NTN1: variants seen among roughly 807,000 people sequenced by gnomAD.
NTN1 encodes the protein netrin 1.
NTN1 carries 11 observed loss-of-function variants against 54.2 expected under a neutral mutation model. The observed-to-expected ratio is 0.20, with a 90% CI of 0.13 to 0.34. NTN1 has a LOEUF of 0.34. NTN1 is among the 10% of genes least tolerant of loss of function. The pLI, the probability that NTN1 is intolerant of heterozygous loss-of-function variation, is 1.00. For missense variants in NTN1, 740 were observed against 893.1 expected (o/e 0.83, Z 2.18); for synonymous variants, 371 against 382.0 (o/e 0.97, Z 0.33).
In NTN1 at chr17:9,162,909, G is replaced by A. The variant is rs1331242639; in HGVS notation, c.1115G>A (p.Arg372His). ...RKSGGVCLNC[R>H]HNTAGRHCHY... is the part of the protein sequence containing the mutation. ...AGCGGAGGTGTCTGCCTCAACTGTC[G>A]CCACAACACCGCCGGCCGCCACTGC... The change falls in exon 3 of 7, where the codon CGC (arginine) becomes CAC (histidine). Residue 372 changes from arginine to histidine, a missense_variant. Physicochemically the swap from Arg to His is conservative, Grantham distance 29 (BLOSUM62 0). Coordinates refer to ENST00000173229, the MANE Select transcript of NTN1 (RefSeq NM_004822.3). The A allele has an allele frequency of 9.9e-6, 16 of 1,613,068 alleles. No homozygotes were observed. Among genetic ancestry groups the A allele is most frequent in the Non-Finnish European group, 1.3e-5 (15 of 1,179,694 alleles).
chr17:9,132,881 G>C (rs1405610118), intron 2 of NTN1, among the ~76,000 whole-genome samples: 1 of 151,996 alleles, frequency 6.6e-6, no homozygotes, highest in African/African-American at 2.4e-5. Flanking sequence ...TTTCAAAAAA[G>C]AAAAAGAATG....
At chr17:9,149,050 C>G (rs1339125108) in intron 2 of NTN1, among the ~76,000 whole-genome samples, 3 of 152,040 alleles carry the variant, frequency 2.0e-5, no homozygotes, top group African/African-American at 7.2e-5. Flanking sequence ...ACCAGCCTCT[C>G]CCACTGCCCT....
At chr17:9,209,709 G>C (rs571899902) in intron 5 of NTN1, among the ~76,000 whole-genome samples, 1 of 152,348 alleles carries the variant, frequency 6.6e-6, no homozygotes, top group South Asian at 2.1e-4. Context: ...ACCCCAGCTT[G>C]GTGCAGGAAG....
At chr17:9,172,218 CG>C (rs2092388866) in intron 3 of NTN1, among the ~76,000 whole-genome samples, 1 of 151,278 alleles carries the variant, frequency 6.6e-6, no homozygotes, top group African/African-American at 2.4e-5. Flanking sequence ...CCTTTCTAGG[CG>C]GGGTGCGGTG....
intron 2 of NTN1, among the ~76,000 whole-genome samples, chr17:9,107,016 C>T (rs921748293): frequency 3.3e-5 from 5 of 152,162 alleles, no homozygotes; most frequent in Admixed American, 6.6e-5. Flanking sequence ...ATAATGTACT[C>T]GTGGTCCCTC....
At chr17:9,186,078 C>T (rs1032297683) in intron 5 of NTN1, among the ~76,000 whole-genome samples, 3 of 152,146 alleles carry the variant, frequency 2.0e-5, no homozygotes, top group African/African-American at 7.2e-5. Flanking sequence ...CCACTTCTCC[C>T]ACATCCCAGG....
intron 2 of NTN1, among the ~76,000 whole-genome samples, chr17:9,049,846 G>T (rs957135618): frequency 6.6e-6 from 1 of 152,174 alleles, no homozygotes; most frequent in African/African-American, 2.4e-5. Flanking sequence ...TTGTAGGATG[G>T]GTATGTAAGA....
chr17:9,137,397 TG>T (rs1420934336), intron 2 of NTN1, among the ~76,000 whole-genome samples: 1 of 152,104 alleles, frequency 6.6e-6, no homozygotes, highest in Non-Finnish European at 1.5e-5. Flanking sequence ...AGAACTGGCA[TG>T]GGGTGGACAC....
At chr17:9,075,686 C>A (rs1597478797) in intron 2 of NTN1, among the ~76,000 whole-genome samples, 1 of 152,264 alleles carries the variant, frequency 6.6e-6, no homozygotes, top group East Asian at 1.9e-4. Context: ...AGCTTTGAGA[C>A]CCTCAGGGAC....
Position 9,023,027 on chromosome 17 carries a change from C to T in NTN1, c.654C>T (p.Ile218=). 1 of 1,599,408 alleles carries T rather than the reference C, an allele frequency of 6.3e-7. No homozygotes were observed. The highest frequency in any genetic ancestry group is 8.5e-7 in the Non-Finnish European group (1 of 1,174,404). ...TDMRPLSGGL[I]AFSTLDGRPS... ...TGCGCCCGCTCTCGGGCGGCCTCATCGCCTTCAGCACGCTGGACGGGCGGC... is the reference window on the plus strand; with the variant it reads ...TGCGCCCGCTCTCGGGCGGCCTCATTGCCTTCAGCACGCTGGACGGGCGGC... Residue 218 remains isoleucine, a synonymous_variant, in exon 2 of 7, where the codon ATC becomes ATT. Transcript: ENST00000173229.
chr17:9,166,634 G>C (rs1365215560), intron 3 of NTN1, among the ~76,000 whole-genome samples: 1 of 152,204 alleles, frequency 6.6e-6, no homozygotes, highest in East Asian at 1.9e-4. Flanking sequence ...GAGCCACCGT[G>C]CTTGGCCAGT....
At chr17:9,224,853 C>T (rs1232073226) in intron 6 of NTN1, among the ~76,000 whole-genome samples, 1 of 152,156 alleles carries the variant, frequency 6.6e-6, no homozygotes, top group African/African-American at 2.4e-5. Flanking sequence ...GGCTGGGGCT[C>T]TGGCACCACT....
At chr17:9,202,563 G>T (rs7215049) in intron 5 of NTN1, among the ~76,000 whole-genome samples, 1 of 152,150 alleles carries the variant, frequency 6.6e-6, no homozygotes, top group Non-Finnish European at 1.5e-5. Flanking sequence ...CCGGTGGGGG[G>T]ACTTCAGTAT....
chr17:9,137,803 A>AAT (rs112956010), intron 2 of NTN1, among the ~76,000 whole-genome samples: 29 of 152,256 alleles, frequency 1.9e-4, no homozygotes, highest in African/African-American at 3.4e-4. Context: ...CAAAAAAAAA[A>AAT]AAATAAAACT....
chr17:9,041,843 T>C (rs1186758368), intron 2 of NTN1, among the ~76,000 whole-genome samples: 6 of 152,068 alleles, frequency 3.9e-5, no homozygotes, highest in South Asian at 2.1e-4. Flanking sequence ...ACTTCGTCTC[T>C]ACTAAAAATA....
intron 2 of NTN1, among the ~76,000 whole-genome samples, chr17:9,071,324 T>A (rs765102290): frequency 6.6e-6 from 1 of 152,168 alleles, no homozygotes; most frequent in Non-Finnish European, 1.5e-5. Flanking sequence ...ACCACCGTGT[T>A]AAGCTCCTGA....
intron 5 of NTN1, among the ~76,000 whole-genome samples, chr17:9,220,622 G>A (rs1021394125): frequency 1.1e-4 from 17 of 152,074 alleles, no homozygotes; most frequent in Non-Finnish European, 1.9e-4. Flanking sequence ...AACTGAACTC[G>A]TCTTCGTGGG....
At chr17:9,227,879 C>T (rs535479581) in intron 6 of NTN1, among the ~76,000 whole-genome samples, 10 of 151,942 alleles carry the variant, frequency 6.6e-5, no homozygotes, top group African/African-American at 1.7e-4. Context: ...CACCCCATCA[C>T]ACACACACCC....
intron 2 of NTN1, among the ~76,000 whole-genome samples, chr17:9,061,065 A>T (rs1383414983): frequency 6.6e-6 from 1 of 152,054 alleles, no homozygotes; most frequent in Non-Finnish European, 1.5e-5. Flanking sequence ...AACCACAGTG[A>T]CCTTGGTTGA....
Sources: allele counts gnomAD v4.1 joint callset (sites outside exome capture counted in the v4.1 genomes callset), GRCh38; gene constraint gnomAD v4.1.1; transcripts MANE v1.5; gene names NCBI Gene and HGNC (gene_info 2026-07-23, HGNC 2026-07-21).